FOXP2: variants seen among roughly 807,000 people sequenced by gnomAD.
FOXP2 encodes forkhead box P2, also known as forkhead box protein P2.
In FOXP2, 12 loss-of-function variants were observed where a neutral mutation model predicts 115.8. The ratio of observed to expected loss-of-function variants is 0.10; its 90% CI spans 0.07 to 0.17. FOXP2 has a LOEUF of 0.17. Among genes scored for constraint, FOXP2 ranks in the 10% least tolerant of loss-of-function variants. The probability of loss-of-function intolerance (pLI) is 1.00; values close to 1 mark genes in which losing one functional copy is unlikely to be tolerated. For synonymous variants in FOXP2, 328 were observed against 297.7 expected (o/e 1.10, Z -1.05); for missense variants, 629 against 843.5 (o/e 0.75, Z 3.15).
At chr7:114,389,978 C>G (rs1388119366) in intron 2 of FOXP2, among the ~76,000 whole-genome samples, 1 of 132,520 alleles carries the variant, frequency 7.5e-6, no homozygotes, top group Non-Finnish European at 1.5e-5. Flanking sequence ...TAGCTGAGAT[C>G]GGACCACTGC....
intron 1 of FOXP2, among the ~76,000 whole-genome samples, chr7:114,096,181 G>A (rs1302012465): frequency 1.3e-5 from 2 of 152,156 alleles, no homozygotes; most frequent in Admixed American, 6.5e-5. Context: ...GCACAACCAA[G>A]GAAAGCCGGG....
chr7:114,505,693 C>G (rs1228809062), intron 2 of FOXP2, among the ~76,000 whole-genome samples: 2 of 151,490 alleles, frequency 1.3e-5, no homozygotes, highest in African/African-American at 4.8e-5. Context: ...ATTTTTAAAA[C>G]CACGTCATAG....
rs1256048858 is a variant in FOXP2 at position 114,652,702 on chromosome 7, G to A, written c.1182+412G>A. ...GACCAGTCTTTACAATATCATGCCT[G>A]TAATATAACTAACACCCTGAAAGAT... On this transcript the variant is annotated intron_variant, in intron 9 of 16. Transcript: ENST00000350908. Among the ~76,000 whole-genome samples, 5 of 151,984 alleles carry A rather than the reference G, an allele frequency of 3.3e-5. No homozygotes were observed. The East Asian group carries it at 9.7e-4, about 29-fold the overall frequency.
At chr7:114,566,392 T>G (rs960719408) in intron 3 of FOXP2, among the ~76,000 whole-genome samples, 1 of 152,068 alleles carries the variant, frequency 6.6e-6, no homozygotes, top group Admixed American at 6.6e-5. Context: ...TGAGAGTGGA[T>G]TCCTCATGAA....
At chr7:114,490,432 G>A (rs73436141) in intron 2 of FOXP2, among the ~76,000 whole-genome samples, 1,701 of 152,174 alleles carry the variant, frequency 0.011, 16 homozygotes, top group Middle Eastern at 0.031. Context: ...TGTATAGGTG[G>A]AGCACACAGA....
chr7:114,089,223 G>T (rs1462794227), intron 1 of FOXP2, among the ~76,000 whole-genome samples: 1 of 152,000 alleles, frequency 6.6e-6, no homozygotes, highest in East Asian at 1.9e-4. Flanking sequence ...TTTGAAAGAG[G>T]AGACTAGAAA....
intron 2 of FOXP2, among the ~76,000 whole-genome samples, chr7:114,482,550 C>G (rs1796604562): frequency 1.3e-5 from 2 of 151,272 alleles, no homozygotes; most frequent in Non-Finnish European, 3.0e-5. Context: ...AAGAATACAC[C>G]AACATTCTCA....
intron 3 of FOXP2, among the ~76,000 whole-genome samples, chr7:114,539,553 T>G (rs1342233867): frequency 6.6e-6 from 1 of 151,770 alleles, no homozygotes; most frequent in African/African-American, 2.4e-5. Context: ...CATTATTTCT[T>G]GATCATAAAA....
At chr7:114,125,571 C>T (rs765962964) in intron 1 of FOXP2, among the ~76,000 whole-genome samples, 2 of 152,030 alleles carry the variant, frequency 1.3e-5, no homozygotes, top group Non-Finnish European at 2.9e-5. Context: ...AAAGGGAACT[C>T]AGAGATCTTA....
At chr7:114,598,698 G>A (rs1461503905) in intron 3 of FOXP2, among the ~76,000 whole-genome samples, 2 of 152,060 alleles carry the variant, frequency 1.3e-5, no homozygotes, top group Non-Finnish European at 2.9e-5. Context: ...CCAGTCTCCA[G>A]AACTTTTTCA....
chr7:114,436,342 G>T (rs1794349057), intron 2 of FOXP2, among the ~76,000 whole-genome samples: 1 of 151,312 alleles, frequency 6.6e-6, no homozygotes. Flanking sequence ...ATTATTTCAT[G>T]TGTATTCCCT....
intron 1 of FOXP2, among the ~76,000 whole-genome samples, chr7:114,194,949 T>C (rs1425509929): frequency 6.6e-6 from 1 of 152,150 alleles, no homozygotes; most frequent in Non-Finnish European, 1.5e-5. Flanking sequence ...GAATAGTTCA[T>C]ATATTTGCCT....
intron 2 of FOXP2, among the ~76,000 whole-genome samples, chr7:114,472,186 T>C (rs1283206711): frequency 2.0e-5 from 3 of 152,114 alleles, no homozygotes; most frequent in East Asian, 3.9e-4. Flanking sequence ...AGTTTAAAGA[T>C]AGATGAAGCC....
intron 1 of FOXP2, among the ~76,000 whole-genome samples, chr7:114,217,774 A>T (rs1225013949): frequency 6.6e-6 from 1 of 152,240 alleles, no homozygotes; most frequent in Non-Finnish European, 1.5e-5. Flanking sequence ...GATAGTGCTT[A>T]AGTGAGTATT....
intron 2 of FOXP2, among the ~76,000 whole-genome samples, chr7:114,390,235 T>A (rs1792559817): frequency 2.0e-5 from 3 of 152,142 alleles, no homozygotes; most frequent in Non-Finnish European, 2.9e-5. Flanking sequence ...GTCATTATTA[T>A]TTTAAAATGA....
At chr7:114,632,733 AT>A (rs1254182269) in intron 6 of FOXP2, among the ~76,000 whole-genome samples, 1 of 152,082 alleles carries the variant, frequency 6.6e-6, no homozygotes, top group Non-Finnish European at 1.5e-5. Context: ...TTGACTTCAA[AT>A]CTTCTAATTC....
intron 8 of FOXP2, 121 bp downstream of exon 8, chr7:114,644,910 A>G: frequency 1.3e-6 from 1 of 756,568 alleles, no homozygotes; most frequent in Admixed American, 2.3e-5. Context: ...GTCATACTTC[A>G]AGATTTTTGT....
chr7:114,456,682 GAATT>G (rs1197260381), intron 2 of FOXP2, among the ~76,000 whole-genome samples: 1 of 152,070 alleles, frequency 6.6e-6, no homozygotes, highest in Non-Finnish European at 1.5e-5. Context: ...TTAGCATGTG[GAATT>G]AATTATTTTA....
Position 114,532,568 on chromosome 7 carries a change from G to A in FOXP2, c.169-2049G>A, listed in dbSNP as rs566029253. ...TGAACAAAGCAACTGACTATTCTAC[G>A]TTTCATTTTTCTTATGTGCTAGAAT... On this transcript the variant is annotated intron_variant, in intron 2 of 16. Coordinates refer to ENST00000350908, the MANE Select transcript of FOXP2 (RefSeq NM_014491.4). 5.9e-5 allele frequency among the ~76,000 whole-genome samples: 9 copies of A among 151,778 alleles called. No individual in the cohort carries two copies. The South Asian group carries it at 8.3e-4, about 14-fold the overall frequency.
Sources: gnomAD v4.1 joint callset for allele counts (sites outside exome capture counted in the v4.1 genomes callset) on GRCh38, gnomAD v4.1.1 for gene constraint, MANE v1.5 for transcripts, NCBI Gene and HGNC (gene_info 2026-07-23, HGNC 2026-07-21) for gene names.